Variants in VWA8 observed in about 807,000 individuals in gnomAD.
VWA8 encodes the protein von Willebrand factor A domain containing 8.
VWA8 carries 221 observed loss-of-function variants against 241.5 expected under a neutral mutation model. The ratio of observed to expected loss-of-function variants is 0.91; its 90% CI spans 0.82 to 1.02. VWA8 has a LOEUF of 1.02. Among genes scored for constraint, VWA8 ranks in the 50% least tolerant of loss-of-function variants. VWA8 has a pLI of 0.00. For synonymous variants in VWA8, 852 were observed against 827.1 expected (o/e 1.03, Z -0.52); for missense variants, 2,322 against 2,328.7 (o/e 1.00, Z 0.06).
At chr13:41,919,615 C>A (rs146217844) in intron 2 of VWA8, among the ~76,000 whole-genome samples, 6 of 152,236 alleles carry the variant, frequency 3.9e-5, no homozygotes, top group African/African-American at 1.2e-4. Context: ...CCAAGTTACC[C>A]TGAAGCTGCT....
chr13:41,803,367 T>C (rs1870044230), intron 17 of VWA8, among the ~76,000 whole-genome samples: 1 of 152,162 alleles, frequency 6.6e-6, no homozygotes, highest in Non-Finnish European at 1.5e-5. Flanking sequence ...CAGAGATATA[T>C]GACTGTATTA....
At position 41,719,727 on chromosome 13, in the gene VWA8, C is replaced by G; in HGVS notation, c.2980G>C (p.Gly994Arg). 1.9e-6 allele frequency: 3 copies of G among 1,607,016 alleles called. No individual in the cohort carries two copies. Among genetic ancestry groups the G allele is most frequent in the Non-Finnish European group, 2.5e-6 (3 of 1,177,730 alleles). Residue 994 changes from glycine to arginine, a missense_variant, in exon 26 of 45, where the codon GGT (glycine) becomes CGT (arginine). Transcript: ENST00000379310. Reference protein sequence around the residue: ...VKHLQKFPTEGLSSVVRNVFD... With the variant: ...VKHLQKFPTERLSSVVRNVFD... ...ACATTTCGAACTACACTGGAGAGAC[C>G]TTCAGTCGGAAATTTCTGTATTAAA...
rs781420991 is a variant in VWA8 at position 41,721,471 on chromosome 13, G to C, written c.2863C>G (p.Leu955Val). The C allele has an allele frequency of 1.9e-6, 3 of 1,613,802 alleles. No homozygotes were observed. In the East Asian group the frequency reaches 6.7e-5, roughly 36 times the overall value. The change falls in exon 25 of 45, where the codon CTT becomes GTT. Residue 955 changes from leucine to valine, a missense_variant. Leu to Val is a conservative substitution (Grantham distance 32). Coordinates refer to ENST00000379310, the MANE Select transcript of VWA8 (RefSeq NM_015058.2). ...PNVPEPILQK[L>V]VAAFGELRSL... ...CTCAGCTCTCCAAAGGCAGCCACAA[G>C]CTTCTGAAGGATGGGCTCAGGCACA...
chr13:41,663,664 A>G (rs1338581925), intron 37 of VWA8, among the ~76,000 whole-genome samples: 1 of 151,858 alleles, frequency 6.6e-6, no homozygotes, highest in Non-Finnish European at 1.5e-5. Flanking sequence ...CCTCAAACAC[A>G]CATCACTCAT....
chr13:41,879,362 C>T (rs1405294422), intron 9 of VWA8, among the ~76,000 whole-genome samples: 5 of 141,690 alleles, frequency 3.5e-5, no homozygotes, highest in Non-Finnish European at 7.7e-5. Context: ...CTCTTCCTCT[C>T]TCTCTCATAC....
rs139758897 is a variant in VWA8 at position 41,825,789 on chromosome 13, C to A, written c.1700+4740G>T. ...TTAAGTACAGAAATGAAAGGACAGACAATGTGGGTCATAAGTTTCTAATGT... is the reference window on the plus strand; with the variant it reads ...TTAAGTACAGAAATGAAAGGACAGAAAATGTGGGTCATAAGTTTCTAATGT... On this transcript the variant is annotated intron_variant, in intron 14 of 44. Coordinates refer to ENST00000379310, the MANE Select transcript of VWA8 (RefSeq NM_015058.2). 2.0e-5 allele frequency among the ~76,000 whole-genome samples: 3 copies of A among 152,168 alleles called. No homozygotes were observed. The East Asian group carries it at 5.8e-4, about 29-fold the overall frequency.
intron 36 of VWA8, among the ~76,000 whole-genome samples, chr13:41,673,195 A>G (rs1482177731): frequency 6.6e-6 from 1 of 152,244 alleles, no homozygotes; most frequent in African/African-American, 2.4e-5. Context: ...GCTTGGCAGT[A>G]CTACTTTACA....
chr13:41,589,357 C>T (rs999683393), intron 41 of VWA8, among the ~76,000 whole-genome samples: 11 of 152,022 alleles, frequency 7.2e-5, no homozygotes, highest in Non-Finnish European at 1.5e-4. Context: ...AGTAAGAGAA[C>T]AGTAGAAAAT....
intron 26 of VWA8, among the ~76,000 whole-genome samples, chr13:41,716,649 T>TGATC (rs2045349823): frequency 6.6e-6 from 1 of 152,114 alleles, no homozygotes; most frequent in African/African-American, 2.4e-5. Context: ...AGTGTGGGTA[T>TGATC]GATCATCTTG....
chr13:41,766,359 A>C (rs2045779247), intron 20 of VWA8, among the ~76,000 whole-genome samples: 2 of 152,312 alleles, frequency 1.3e-5, no homozygotes, highest in Admixed American at 1.3e-4. Context: ...GAAAAAAGCT[A>C]AAAGGGAATG....
rs192961785 is a variant in VWA8 at position 41,855,244 on chromosome 13, C to A, written c.1425+10492G>T. On this transcript the variant is annotated intron_variant, in intron 12 of 44. Transcript: ENST00000379310. ...AGCACCAGAAATAAAGCTACTGTAG[C>A]CCATGGCTTGGCTGTTGGCGGCAGC... Among the ~76,000 whole-genome samples, 232 of 150,382 alleles carry A rather than the reference C, an allele frequency of 1.5e-3. 2 individuals carry two copies. Among genetic ancestry groups the A allele is most frequent in the African/African-American group, 5.1e-3 (210 of 40,994 alleles).
chr13:41,822,567 T>G (rs1593794999), intron 14 of VWA8, among the ~76,000 whole-genome samples: 1 of 152,296 alleles, frequency 6.6e-6, no homozygotes, highest in Middle Eastern at 3.4e-3. Flanking sequence ...TGCTATTAAC[T>G]TTTTGAAGAT....
intron 23 of VWA8, 88 bp downstream of exon 23, chr13:41,729,453 TA>T (rs2045463365): frequency 2.3e-6 from 3 of 1,309,264 alleles, no homozygotes; most frequent in African/African-American, 3.0e-5. Context: ...CTTATTATTG[TA>T]AATAAGTAGG....
chr13:41,707,152 T>A (rs774385061), intron 26 of VWA8, among the ~76,000 whole-genome samples: 87 of 152,162 alleles, frequency 5.7e-4, no homozygotes, highest in Non-Finnish European at 9.7e-4. Flanking sequence ...TTTCTTTTTT[T>A]AAAAAACACA....
intron 2 of VWA8, among the ~76,000 whole-genome samples, chr13:41,942,388 A>T (rs1031873763): frequency 1.2e-4 from 19 of 152,204 alleles, no homozygotes; most frequent in African/African-American, 4.6e-4. Context: ...CAAAACAAAG[A>T]AGCCTACATG....
chr13:41,810,383 A>C (rs1269826962), intron 17 of VWA8, among the ~76,000 whole-genome samples: 1 of 152,160 alleles, frequency 6.6e-6, no homozygotes, highest in Non-Finnish European at 1.5e-5. Context: ...CTAAGTGTTC[A>C]TCAACAGACA....
chr13:41,576,903 C>A (rs1161660969), intron 42 of VWA8, among the ~76,000 whole-genome samples: 1 of 152,240 alleles, frequency 6.6e-6, no homozygotes, highest in East Asian at 1.9e-4. Context: ...CTGGCCCACC[C>A]CATGAGGTAC....
chr13:41,762,674 G>A (rs2045749153), intron 20 of VWA8, among the ~76,000 whole-genome samples: 1 of 152,010 alleles, frequency 6.6e-6, no homozygotes, highest in Non-Finnish European at 1.5e-5. Flanking sequence ...TATTTTTACT[G>A]GTATTTTTAC....
intron 37 of VWA8, among the ~76,000 whole-genome samples, chr13:41,652,144 C>G (rs1287196869): frequency 6.6e-6 from 1 of 152,176 alleles, no homozygotes; most frequent in Non-Finnish European, 1.5e-5. Flanking sequence ...CTGAGACCCT[C>G]CTGGCCTGTG....
Sources: allele counts gnomAD v4.1 joint callset (sites outside exome capture counted in the v4.1 genomes callset), GRCh38; gene constraint gnomAD v4.1.1; transcripts MANE v1.5; gene names NCBI Gene and HGNC (gene_info 2026-07-23, HGNC 2026-07-21).